The following MYOF variants were observed in gnomAD, a reference collection of about 807,000 sequenced individuals.
MYOF encodes the protein fer-1-like 3, myoferlin.
MYOF carries 244 observed loss-of-function variants against 284.2 expected under a neutral mutation model. That is an observed-to-expected ratio of 0.86 (90% CI 0.77 to 0.95). The LOEUF is 0.95. MYOF is among the 40% of genes least tolerant of loss of function. The pLI is 0.00. For missense variants in MYOF, 2,496 were observed against 2,560.6 expected, an observed-to-expected ratio of 0.97 and a Z score of 0.54; for synonymous variants, 904 against 919.7, an observed-to-expected ratio of 0.98 and a Z score of 0.31.
At chr10:93,392,335 C>T (rs565925905) in intron 17 of MYOF, among the ~76,000 whole-genome samples, 7 of 152,142 alleles carry the variant, frequency 4.6e-5, no homozygotes, top group Non-Finnish European at 7.3e-5. Flanking sequence ...CCTCTCTAAA[C>T]CTCAGAGTCT....
chr10:93,397,203 GTTTAT>G (rs1347313039), intron 15 of MYOF, 39 bp downstream of exon 15: 7 of 1,454,220 alleles, frequency 4.8e-6, no homozygotes, highest in Middle Eastern at 2.5e-4. Context: ...AATATCCAAT[GTTTAT>G]TTTATGTTGA....
At chr10:93,334,949 G>A (rs752575159) in intron 41 of MYOF, among the ~76,000 whole-genome samples, 1 of 152,182 alleles carries the variant, frequency 6.6e-6, no homozygotes, top group Non-Finnish European at 1.5e-5. Flanking sequence ...GGATTATAAA[G>A]CAGCAGCAGC....
At chr10:93,321,871 A>G (rs1271423196) in intron 48 of MYOF, among the ~76,000 whole-genome samples, 1 of 152,164 alleles carries the variant, frequency 6.6e-6, no homozygotes, top group South Asian at 2.1e-4. Context: ...TTTATGCACG[A>G]TTCATCTTTT....
chr10:93,428,959 C>T (rs1399810524), intron 4 of MYOF, among the ~76,000 whole-genome samples: 1 of 152,190 alleles, frequency 6.6e-6, no homozygotes, highest in East Asian at 1.9e-4. Flanking sequence ...AGAGGAATTA[C>T]AGGGGGCAGG....
Position 93,325,929 on chromosome 10 carries a change from G to T in MYOF, c.5168C>A (p.Pro1723His), listed in dbSNP as rs946679256. 2 of 1,614,064 alleles carry T rather than the reference G, an allele frequency of 1.2e-6. No homozygotes were observed. The highest frequency in any genetic ancestry group is 1.7e-6 in the Non-Finnish European group (2 of 1,180,012). ...GATGTGAAGAGCAAGCCGCTCTTCAGGGGCCCCGAGGTGCTGGTGCAGGAT... is the reference window on the plus strand; with the variant it reads ...GATGTGAAGAGCAAGCCGCTCTTCATGGGCCCCGAGGTGCTGGTGCAGGAT... Reference protein sequence around the residue: ...NKILHQHLGAPEERLALHILR... With the variant: ...NKILHQHLGAHEERLALHILR... The change falls in exon 46 of 54, where the codon CCT (proline) becomes CAT (histidine). Residue 1723 changes from proline (P) to histidine (H), a missense_variant. Physicochemically the swap from Pro to His is moderately conservative, Grantham distance 77. Transcript: ENST00000359263.
intron 1 of MYOF, among the ~76,000 whole-genome samples, chr10:93,474,004 G>C (rs545152389): frequency 2.6e-5 from 4 of 152,146 alleles, no homozygotes; most frequent in Non-Finnish European, 2.9e-5. Context: ...CTCGCCCACA[G>C]GGTGCACACT....
chr10:93,460,988 G>A (rs554824929), intron 1 of MYOF, among the ~76,000 whole-genome samples: 20 of 151,618 alleles, frequency 1.3e-4, no homozygotes, highest in Middle Eastern at 6.9e-3. Context: ...CCCGATACTC[G>A]GGTGGCTGAG....
At position 93,420,416 on chromosome 10, in the gene MYOF, G is replaced by A. The variant is rs150852168; in HGVS notation, c.433+5655C>T. ...CTGTCATGGGAACAGTCTTCCAGGG[G>A]GGTCAGTGAAAAGAACATCTTTGAC... On this transcript the variant is annotated intron_variant, in intron 5 of 53. Transcript: ENST00000359263. Among the ~76,000 whole-genome samples the A allele has an allele frequency of 9.9e-5, 15 of 152,264 alleles. No homozygotes were observed. The East Asian group carries it at 2.9e-3, about 29-fold the overall frequency.
Position 93,403,366 on chromosome 10 carries a change from C to T in MYOF, c.844-476G>A, listed in dbSNP as rs1237322479. 5.3e-5 allele frequency among the ~76,000 whole-genome samples: 8 copies of T among 152,164 alleles called. No homozygotes were observed. In the East Asian group the frequency reaches 1.5e-3, roughly 29 times the overall value. Reference sequence around the variant, plus strand: ...ACTAGGTGCTTTACACATACTATCTCATTTAATTTTCTCAATGATCCCATT... The same window carrying T: ...ACTAGGTGCTTTACACATACTATCTTATTTAATTTTCTCAATGATCCCATT... On this transcript the variant is annotated intron_variant, in intron 9 of 53. Coordinates refer to ENST00000359263, the MANE Select transcript of MYOF (RefSeq NM_013451.4).
At chr10:93,342,950 C>G (rs982661688) in intron 38 of MYOF, among the ~76,000 whole-genome samples, 4 of 152,142 alleles carry the variant, frequency 2.6e-5, no homozygotes, top group African/African-American at 9.7e-5. Flanking sequence ...GTAGGATTCA[C>G]AGAGAGTAGA....
intron 18 of MYOF, among the ~76,000 whole-genome samples, 173 bp downstream of exon 18, chr10:93,388,850 ATGGCCAT>A (rs913318195): frequency 3.3e-5 from 5 of 152,252 alleles, no homozygotes; most frequent in South Asian, 2.1e-4. Flanking sequence ...GTTGGGGGAA[ATGGCCAT>A]TGGCCATTGG....
rs57700900 is a variant in MYOF, at chr10:93,442,041, C to CACACACACACACACAGAGAG, written c.236+10008_236+10009insCTCTCTGTGTGTGTGTGTGT. 4.5e-3 allele frequency among the ~76,000 whole-genome samples: 639 copies of CACACACACACACACAGAGAG among 142,638 alleles called. 3 individuals are homozygous for CACACACACACACACAGAGAG. The highest frequency in any genetic ancestry group is 5.9e-3 in the Non-Finnish European group (380 of 64,838). 93.6% of individuals were successfully genotyped at this position (142,638 alleles called of 152,430 possible). ...ACACACACACACACACACACACACACAGAATAAACCTTGGAAAGTCTGGGC... is the reference window on the plus strand; with the variant it reads ...ACACACACACACACACACACACACACACACACACACACACAGAGAGAGAATAAACCTTGGAAAGTCTGGGC... On this transcript the variant is annotated intron_variant, in intron 3 of 53. Transcript: ENST00000359263.
In MYOF at chr10:93,343,946, A is replaced by G. The variant is rs1209879461; in HGVS notation, c.4250-14T>C. ...ACAGAAGGGAGGCTGCAAGACAAAT[A>G]CTTTCTTAATCTAAGATACTTAGAG... On this transcript the variant is annotated splice_polypyrimidine_tract_variant and intron_variant, in intron 37 of 53. Transcript: ENST00000359263. The G allele has an allele frequency of 6.2e-6, 10 of 1,613,896 alleles. No homozygotes were observed. Among genetic ancestry groups the G allele is most frequent in the Non-Finnish European group, 8.5e-6 (10 of 1,179,916 alleles).
chr10:93,422,111 C>A (rs192928702), intron 5 of MYOF, among the ~76,000 whole-genome samples: 5 of 152,320 alleles, frequency 3.3e-5, no homozygotes, highest in Admixed American at 3.3e-4. Context: ...CATTACTTCT[C>A]AGACTTTTGG....
intron 3 of MYOF, among the ~76,000 whole-genome samples, chr10:93,441,722 C>T (rs113811098): frequency 1.2e-4 from 19 of 152,066 alleles, no homozygotes; most frequent in Non-Finnish European, 1.9e-4. Context: ...TGCCACCACA[C>T]GCAGCTAATA....
At position 93,392,906 on chromosome 10, in the gene MYOF, G is replaced by A. The variant is rs148983978; in HGVS notation, c.1456+11C>T. The A allele has an allele frequency of 1.3e-3, 2,140 of 1,606,342 alleles. 56 individuals carry two copies. The highest frequency in any genetic ancestry group is 9.9e-4 in the Middle Eastern group (6 of 6,040). On this transcript the variant is annotated intron_variant, in intron 17 of 53. Coordinates refer to ENST00000359263, the MANE Select transcript of MYOF (RefSeq NM_013451.4). ...AAGATATAACAGAGAGCAAAATTACGAAGCATAAACCTGTATATGATGCAG... is the reference window on the plus strand; with the variant it reads ...AAGATATAACAGAGAGCAAAATTACAAAGCATAAACCTGTATATGATGCAG...
intron 28 of MYOF, among the ~76,000 whole-genome samples, chr10:93,360,244 T>C (rs1267521773): frequency 2.0e-5 from 3 of 152,200 alleles, no homozygotes; most frequent in Non-Finnish European, 4.4e-5. Flanking sequence ...TGAGTGCACT[T>C]AGGAATAAAG....
At chr10:93,328,587 C>T (rs1161586727) in intron 45 of MYOF, among the ~76,000 whole-genome samples, 176 bp downstream of exon 45, 1 of 152,140 alleles carries the variant, frequency 6.6e-6, no homozygotes, top group Non-Finnish European at 1.5e-5. Flanking sequence ...AAAATGTGTC[C>T]ACTTTGACAC....
intron 2 of MYOF, among the ~76,000 whole-genome samples, chr10:93,453,404 T>A (rs1162981512): frequency 1.3e-5 from 2 of 151,888 alleles, no homozygotes; most frequent in Non-Finnish European, 2.9e-5. Context: ...GACCTCATGA[T>A]CCACCCGCCT....
Sources: allele counts gnomAD v4.1 joint callset (sites outside exome capture counted in the v4.1 genomes callset), GRCh38; gene constraint gnomAD v4.1.1; transcripts MANE v1.5; gene names NCBI Gene and HGNC (gene_info 2026-07-23, HGNC 2026-07-21).